The following SNAP23 variants were observed in gnomAD, a reference collection of about 807,000 sequenced individuals.
The protein encoded by SNAP23 is synaptosome associated protein 23, also known as synaptosomal-associated protein 23.
SNAP23 carries 11 observed loss-of-function variants against 29.0 expected under a neutral mutation model. That is an observed-to-expected ratio of 0.38 (90% CI 0.24 to 0.63). The LOEUF is 0.63. Ranked by LOEUF, SNAP23 falls within the 20% of genes least tolerant of loss-of-function variation. The probability of loss-of-function intolerance (pLI) is 0.58; values close to 1 mark genes in which losing one functional copy is unlikely to be tolerated. For missense variants in SNAP23, 220 were observed against 253.9 expected, an observed-to-expected ratio of 0.87 and a Z score of 0.91; for synonymous variants, 60 against 82.9, an observed-to-expected ratio of 0.72 and a Z score of 1.50.
intron 1 of SNAP23, among the ~76,000 whole-genome samples, chr15:42,502,601 A>G (rs1399079746): frequency 6.6e-6 from 1 of 152,234 alleles, no homozygotes; most frequent in African/African-American, 2.4e-5. Context: ...TGAATATTTC[A>G]TTCAGGCAGG....
In SNAP23 at chr15:42,532,432, T is replaced by C. The variant is rs1283575578; in HGVS notation, c.*954T>C. 1 of 152,230 alleles carries C rather than the reference T, an allele frequency of 6.6e-6. No individual in the cohort carries two copies. Among genetic ancestry groups the C allele is most frequent in the African/African-American group, 2.4e-5 (1 of 41,468 alleles). The allele number at this position is 152,230 out of a possible 1,614,324, so 9.4% of individuals were successfully genotyped here. On this transcript the variant is annotated 3_prime_UTR_variant, in exon 8 of 8. Coordinates refer to ENST00000249647, the MANE Select transcript of SNAP23 (RefSeq NM_003825.4). ...ATTTCTGAACTCTTAGTGATTCATA[T>C]ATGTACATAAATCTGTGATCCCATT...
chr15:42,491,387 G>C (rs1378803005), upstream of SNAP23: 1 of 152,336 alleles, frequency 6.6e-6, no homozygotes, highest in East Asian at 1.9e-4. Flanking sequence ...CCTCCCTGTA[G>C]CTCCTACTCT....
intron 1 of SNAP23, among the ~76,000 whole-genome samples, chr15:42,496,434 A>AC (rs1380069294): frequency 1.3e-5 from 2 of 151,790 alleles, no homozygotes; most frequent in African/African-American, 4.9e-5. Flanking sequence ...GAAGTACCCA[A>AC]GGCCGGGCTT....
chr15:42,520,834 C>G (rs1340737269), intron 5 of SNAP23, among the ~76,000 whole-genome samples: 1 of 152,154 alleles, frequency 6.6e-6, no homozygotes, highest in African/African-American at 2.4e-5. Context: ...TCTTAACTTG[C>G]CTGTTTTATA....
At chr15:42,523,663 T>G (rs1176446830) in intron 5 of SNAP23, among the ~76,000 whole-genome samples, 1 of 152,222 alleles carries the variant, frequency 6.6e-6, no homozygotes, top group Non-Finnish European at 1.5e-5. Context: ...CATTAAGTAT[T>G]GTTATTATCC....
Position 42,531,581 on chromosome 15 carries a change from T to C in SNAP23, c.*103T>C, listed in dbSNP as rs2057566023. ...GTTTTCGGTTCCACGCTCTTCTAAT[T>C]GGGAGATAATATGGAAGAAGGGCCA... On this transcript the variant is annotated 3_prime_UTR_variant, in exon 8 of 8. Transcript: ENST00000249647. The C allele has an allele frequency of 6.1e-6, 5 of 825,804 alleles. No homozygotes were observed. Among genetic ancestry groups the C allele is most frequent in the Non-Finnish European group, 9.5e-6 (5 of 524,624 alleles). The allele number at this position is 825,804 out of a possible 1,614,324, so 51.2% of individuals were successfully genotyped here. A position where few individuals can be genotyped will look rare whatever the true frequency, so the allele number is the denominator to read the frequency against.
At chr15:42,508,579 T>C (rs756213359) in intron 1 of SNAP23, among the ~76,000 whole-genome samples, 9 of 152,188 alleles carry the variant, frequency 5.9e-5, no homozygotes, top group Non-Finnish European at 1.3e-4. Context: ...CGAGTTCACA[T>C]GGAAAGGATG....
At chr15:42,529,129 CTGT>C (rs2057537162) in intron 6 of SNAP23, among the ~76,000 whole-genome samples, 1 of 152,188 alleles carries the variant, frequency 6.6e-6, no homozygotes, top group African/African-American at 2.4e-5. Flanking sequence ...TTACTCAACT[CTGT>C]TGTAGGGTTA....
rs577075102 is a variant in SNAP23, at chr15:42,523,328, C to A, written c.267-4934C>A. On this transcript the variant is annotated intron_variant, in intron 5 of 7. Coordinates refer to ENST00000249647, the MANE Select transcript of SNAP23 (RefSeq NM_003825.4). Reference sequence around the variant, plus strand: ...TTTTATCATGAAGACTAATTTCTTCCCAGAGGGGCTGTACATTTTATTTTC... The same window carrying A: ...TTTTATCATGAAGACTAATTTCTTCACAGAGGGGCTGTACATTTTATTTTC... 2.2e-3 allele frequency among the ~76,000 whole-genome samples: 328 copies of A among 152,194 alleles called. 1 individual carries two copies. Among genetic ancestry groups the A allele is most frequent in the African/African-American group, 7.8e-3 (322 of 41,536 alleles).
At chr15:42,529,856 C>T in intron 7 of SNAP23, 37 bp downstream of exon 7, 2 of 1,603,012 alleles carry the variant, frequency 1.2e-6, no homozygotes, top group Non-Finnish European at 8.5e-7. Flanking sequence ...AATGAGACAC[C>T]CAGTTCAGTG....
chr15:42,531,438 A>G lies in SNAP23; in HGVS notation c.596A>G (p.Asp199Gly), dbSNP rs1204667927. ...DKADTNRDRI[D>G]IANARAKKLI... Reference sequence around the variant, plus strand: ...GCTGACACCAACAGAGATCGTATTGATATTGCCAATGCCAGAGCAAAGAAA... The same window carrying G: ...GCTGACACCAACAGAGATCGTATTGGTATTGCCAATGCCAGAGCAAAGAAA... Residue 199 changes from aspartate to glycine, a missense_variant, in exon 8 of 8, where the codon GAT becomes GGT. Coordinates refer to ENST00000249647, the MANE Select transcript of SNAP23 (RefSeq NM_003825.4). 6.3e-7 allele frequency: 1 copy of G among 1,596,162 alleles called. No homozygotes were observed. Among genetic ancestry groups the G allele is most frequent in the Non-Finnish European group, 8.5e-7 (1 of 1,172,992 alleles).
At chr15:42,522,514 T>A (rs1475976167) in intron 5 of SNAP23, among the ~76,000 whole-genome samples, 2 of 152,158 alleles carry the variant, frequency 1.3e-5, no homozygotes, top group Non-Finnish European at 2.9e-5. Context: ...ATTTGATTTC[T>A]ACCCTTTGTT....
At chr15:42,503,260 G>A (rs976036917) in intron 1 of SNAP23, among the ~76,000 whole-genome samples, 3 of 151,990 alleles carry the variant, frequency 2.0e-5, no homozygotes, top group South Asian at 2.1e-4. Context: ...GGAGTGCAGC[G>A]GTGCGATCTC....
intron 1 of SNAP23, among the ~76,000 whole-genome samples, chr15:42,500,082 T>C (rs993215109): frequency 1.3e-5 from 2 of 152,182 alleles, no homozygotes. Context: ...AGGTCAAGGC[T>C]CCTGTAGATT....
At chr15:42,502,343 C>G (rs1325508779) in intron 1 of SNAP23, among the ~76,000 whole-genome samples, 2 of 152,144 alleles carry the variant, frequency 1.3e-5, no homozygotes, top group East Asian at 3.9e-4. Context: ...TATTCGCTGT[C>G]TGTAGCTTCT....
At position 42,515,352 on chromosome 15, in the gene SNAP23, T is replaced by C; in HGVS notation, c.264T>C (p.Asn88=). ...GTGGCCTTTGTGTCTGCCCATGTAA[T>C]AGGTGAGTTGATAAATTAAGATGGT... ...KCCGLCVCPC[N]RTKNFESGKA... Residue 88 remains asparagine (N), a splice_region_variant and synonymous_variant, in exon 5 of 8, where the codon AAT becomes AAC. Transcript: ENST00000249647. 2 of 1,565,552 alleles carry C rather than the reference T, an allele frequency of 1.3e-6. No individual in the cohort carries two copies. The highest frequency in any genetic ancestry group is 1.8e-6 in the Non-Finnish European group (2 of 1,142,030).
In SNAP23 at chr15:42,513,395, T is replaced by A; in HGVS notation, c.100-4T>A. 1 of 1,613,388 alleles carries A rather than the reference T, an allele frequency of 6.2e-7. No individual in the cohort carries two copies. The highest frequency in any genetic ancestry group is 8.5e-7 in the Non-Finnish European group (1 of 1,179,350). On this transcript the variant is annotated splice_region_variant and splice_polypyrimidine_tract_variant and intron_variant, in intron 3 of 7. Transcript: ENST00000249647. The stretch of plus-strand genomic sequence containing the variant: ...TACTATCAGCTTTTCCCCCCTTGTC[T>A]TAGTCTCAGGATGCAGGAATCAAGA...
intron 1 of SNAP23, among the ~76,000 whole-genome samples, chr15:42,509,642 G>A (rs2057344629): frequency 6.6e-6 from 1 of 152,026 alleles, no homozygotes; most frequent in Non-Finnish European, 1.5e-5. Context: ...GTTTCACCAT[G>A]TCGATCAAGC....
intron 5 of SNAP23, among the ~76,000 whole-genome samples, chr15:42,526,876 T>C (rs1018453385): frequency 1.3e-5 from 2 of 151,596 alleles, no homozygotes; most frequent in African/African-American, 4.8e-5. Flanking sequence ...CTCGCTCTGT[T>C]GCCCAGGCTG....
Sources: allele counts gnomAD v4.1 joint callset (sites outside exome capture counted in the v4.1 genomes callset), GRCh38; gene constraint gnomAD v4.1.1; transcripts MANE v1.5; gene names NCBI Gene and HGNC (gene_info 2026-07-23, HGNC 2026-07-21).